Variants in ERBB4 observed in about 807,000 individuals in gnomAD.
ERBB4 encodes the protein erb-b2 receptor tyrosine kinase 4, also known as receptor tyrosine-protein kinase erbB-4.
ERBB4 carries 42 observed loss-of-function variants against 158.0 expected under a neutral mutation model. That is an observed-to-expected ratio of 0.27 (90% CI 0.21 to 0.34). The LOEUF is 0.34. Among genes scored for constraint, ERBB4 ranks in the 10% least tolerant of loss-of-function variants. The probability of loss-of-function intolerance (pLI) is 1.00; values close to 1 mark genes in which losing one functional copy is unlikely to be tolerated. For missense variants in ERBB4, 1,333 were observed against 1,624.1 expected (o/e 0.82, Z 3.08); for synonymous variants, 583 against 558.7 (o/e 1.04, Z -0.61).
chr2:211,777,585 C>A (rs2075914125), intron 4 of ERBB4: 1 of 152,146 alleles, frequency 6.6e-6, no homozygotes, highest in Non-Finnish European at 1.5e-5. Flanking sequence ...GAGGTTTACC[C>A]CCATTACAGG....
intron 1 of ERBB4, among the ~76,000 whole-genome samples, chr2:212,379,512 T>G (rs1411336935): frequency 6.6e-6 from 1 of 151,720 alleles, no homozygotes; most frequent in Non-Finnish European, 1.5e-5. Flanking sequence ...TTTACTAATG[T>G]CTAATCAGGA....
chr2:212,218,809 G>GT (rs551628653), intron 1 of ERBB4, among the ~76,000 whole-genome samples: 26 of 151,440 alleles, frequency 1.7e-4, no homozygotes, highest in African/African-American at 6.0e-4. Flanking sequence ...TGAGTTTCAT[G>GT]TATGTTTCTT....
At chr2:212,198,105 C>T (rs2105895452) in intron 1 of ERBB4, among the ~76,000 whole-genome samples, 1 of 152,188 alleles carries the variant, frequency 6.6e-6, no homozygotes, top group East Asian at 1.9e-4. Context: ...TTGATAGAAA[C>T]AATATTCACT....
At chr2:212,368,222 C>A (rs2089960909) in intron 1 of ERBB4, among the ~76,000 whole-genome samples, 1 of 152,052 alleles carries the variant, frequency 6.6e-6, no homozygotes, top group South Asian at 2.1e-4. Flanking sequence ...GTGGTCTATA[C>A]ATACAATGGA....
At chr2:211,986,161 A>G (rs2081931582) in intron 2 of ERBB4, among the ~76,000 whole-genome samples, 1 of 152,156 alleles carries the variant, frequency 6.6e-6, no homozygotes, top group Non-Finnish European at 1.5e-5. Flanking sequence ...AAGTCAGGAG[A>G]AAGACCTGGA....
chr2:212,537,610 G>A (rs371912237), intron 1 of ERBB4, among the ~76,000 whole-genome samples: 39 of 152,096 alleles, frequency 2.6e-4, no homozygotes, highest in African/African-American at 8.9e-4. Context: ...CCGCAGGCTC[G>A]GCAGCCTGGC....
chr2:212,321,495 C>T (rs893075118), intron 1 of ERBB4, among the ~76,000 whole-genome samples: 2 of 150,416 alleles, frequency 1.3e-5, no homozygotes, highest in African/African-American at 4.8e-5. Context: ...TCAAGACCAT[C>T]CTGGGCAACA....
At chr2:212,303,104 G>T (rs1409417009) in intron 1 of ERBB4, among the ~76,000 whole-genome samples, 1 of 151,352 alleles carries the variant, frequency 6.6e-6, no homozygotes, top group African/African-American at 2.4e-5. Context: ...CATTCCAGGG[G>T]TAAGTGGACC....
chr2:211,699,801 T>C (rs868771745), intron 12 of ERBB4, among the ~76,000 whole-genome samples: 1 of 152,180 alleles, frequency 6.6e-6, no homozygotes, highest in Non-Finnish European at 1.5e-5. Context: ...ATTATCATTG[T>C]CATTATTCAC....
At chr2:212,006,718 T>G (rs1346020395) in intron 2 of ERBB4, among the ~76,000 whole-genome samples, 1 of 152,140 alleles carries the variant, frequency 6.6e-6, no homozygotes, top group Non-Finnish European at 1.5e-5. Flanking sequence ...TATACCAAAT[T>G]TCTATAGATT....
rs146451036 is a variant in ERBB4, at chr2:212,329,374, C to T, written c.83-204471G>A. Among the ~76,000 whole-genome samples the T allele has an allele frequency of 7.2e-5, 11 of 152,038 alleles. No homozygotes were observed. The East Asian group carries it at 2.1e-3, about 30-fold the overall frequency. On this transcript the variant is annotated intron_variant, in intron 1 of 27. Transcript: ENST00000342788. ...TTTAGCTTTTACACACAGTCATTAG[C>T]AATTTATAGTGCCAGAGAACACTGT...
At chr2:211,634,998 AG>A (rs1422082561) in intron 16 of ERBB4, among the ~76,000 whole-genome samples, 2 of 152,158 alleles carry the variant, frequency 1.3e-5, no homozygotes, top group Admixed American at 1.3e-4. Context: ...TATGTGAATC[AG>A]CGGAAGCGAT....
At chr2:211,602,057 G>A (rs2068817350) in intron 19 of ERBB4, among the ~76,000 whole-genome samples, 1 of 152,086 alleles carries the variant, frequency 6.6e-6, no homozygotes, top group African/African-American at 2.4e-5. Context: ...GATGCTGCAG[G>A]AAGAAGAGGC....
At chr2:211,385,815 A>G (rs907787886) in intron 27 of ERBB4, among the ~76,000 whole-genome samples, 1 of 152,040 alleles carries the variant, frequency 6.6e-6, no homozygotes, top group African/African-American at 2.4e-5. Flanking sequence ...TGGAGTGAAA[A>G]TCTCCCCAGA....
rs187102059 is a variant in ERBB4 at position 211,927,440 on chromosome 2, C to T, written c.421+19990G>A. On this transcript the variant is annotated intron_variant, in intron 3 of 27. Coordinates refer to ENST00000342788, the MANE Select transcript of ERBB4 (RefSeq NM_005235.3). Reference sequence around the variant, plus strand: ...ATTCAACGTTACAGTTTTTTTAGGACACAAAAGTATAACACTACCACCAAA... The same window carrying T: ...ATTCAACGTTACAGTTTTTTTAGGATACAAAAGTATAACACTACCACCAAA... Among the ~76,000 whole-genome samples the T allele has an allele frequency of 2.6e-5, 4 of 152,086 alleles. No individual in the cohort carries two copies. In the East Asian group the frequency reaches 7.7e-4, roughly 29 times the overall value.
At chr2:211,455,348 T>C (rs1406301840) in intron 20 of ERBB4, among the ~76,000 whole-genome samples, 1 of 152,232 alleles carries the variant, frequency 6.6e-6, no homozygotes, top group Non-Finnish European at 1.5e-5. Flanking sequence ...TTGGATGTCA[T>C]AAATACTTAA....
chr2:212,339,155 T>A (rs900019801), intron 1 of ERBB4, among the ~76,000 whole-genome samples: 2 of 152,054 alleles, frequency 1.3e-5, no homozygotes, highest in African/African-American at 4.8e-5. Context: ...TTCCTAATTC[T>A]CTCCCTCCCC....
chr2:211,588,545 A>G (rs1204505156), intron 19 of ERBB4, among the ~76,000 whole-genome samples: 1 of 152,170 alleles, frequency 6.6e-6, no homozygotes, highest in Admixed American at 6.5e-5. Flanking sequence ...TTACTATTGT[A>G]ACTACATTTT....
At chr2:211,587,752 C>T (rs759645920) in intron 19 of ERBB4, among the ~76,000 whole-genome samples, 11 of 152,114 alleles carry the variant, frequency 7.2e-5, no homozygotes, top group South Asian at 2.1e-4. Flanking sequence ...CAAATGCTGG[C>T]GTGTATTGCC....
Sources: gnomAD v4.1 joint callset for allele counts (sites outside exome capture counted in the v4.1 genomes callset) on GRCh38, gnomAD v4.1.1 for gene constraint, MANE v1.5 for transcripts, NCBI Gene and HGNC (gene_info 2026-07-23, HGNC 2026-07-21) for gene names.